CDH12: variants seen among roughly 807,000 people sequenced by gnomAD.
CDH12 encodes cadherin 12, also known as cadherin-12.
CDH12 carries 41 observed loss-of-function variants against 74.1 expected under a neutral mutation model. The observed-to-expected ratio is 0.55, with a 90% CI of 0.43 to 0.72. The LOEUF (loss-of-function observed/expected upper bound fraction) is 0.72, where lower values mean the gene tolerates loss of function less well. Among genes scored for constraint, CDH12 ranks in the 30% least tolerant of loss-of-function variants. The pLI is 0.00. For synonymous variants in CDH12, 399 were observed against 355.0 expected, an observed-to-expected ratio of 1.12 and a Z score of -1.39; for missense variants, 945 against 977.2, an observed-to-expected ratio of 0.97 and a Z score of 0.44.
At chr5:22,168,216 G>A (rs1439493287) in intron 4 of CDH12, among the ~76,000 whole-genome samples, 1 of 151,970 alleles carries the variant, frequency 6.6e-6, no homozygotes, top group Non-Finnish European at 1.5e-5. Flanking sequence ...AAGATAATAT[G>A]TATATTTATA....
chr5:22,590,071 T>G (rs2126797755), intron 1 of CDH12, among the ~76,000 whole-genome samples: 1 of 152,278 alleles, frequency 6.6e-6, no homozygotes, highest in Middle Eastern at 3.4e-3. Context: ...CTCGACAATT[T>G]TCTGTAAATC....
intron 4 of CDH12, among the ~76,000 whole-genome samples, chr5:22,170,226 A>G (rs1333875937): frequency 6.6e-6 from 1 of 151,878 alleles, no homozygotes; most frequent in Non-Finnish European, 1.5e-5. Flanking sequence ...TTTATTGAAG[A>G]TATCAATATT....
At chr5:22,199,839 C>CA (rs1317669203) in intron 4 of CDH12, among the ~76,000 whole-genome samples, 1 of 152,180 alleles carries the variant, frequency 6.6e-6, no homozygotes, top group African/African-American at 2.4e-5. Context: ...GGGGCACTGA[C>CA]AAAAAACATT....
At chr5:21,766,237 C>T (rs572750124) in intron 11 of CDH12, among the ~76,000 whole-genome samples, 112 of 151,960 alleles carry the variant, frequency 7.4e-4, no homozygotes, top group Non-Finnish European at 1.3e-3. Context: ...GACACAATAG[C>T]TTTAACAGCA....
intron 3 of CDH12, among the ~76,000 whole-genome samples, chr5:22,280,518 C>G (rs1030526695): frequency 1.3e-5 from 2 of 151,940 alleles, no homozygotes; most frequent in African/African-American, 4.8e-5. Context: ...CAAACAGACG[C>G]AATAAAAAAT....
intron 1 of CDH12, among the ~76,000 whole-genome samples, chr5:22,761,941 A>ACT (rs1236549403): frequency 6.6e-6 from 1 of 151,958 alleles, no homozygotes; most frequent in Admixed American, 6.6e-5. Context: ...ACACACACAC[A>ACT]CACACACACA....
chr5:22,627,262 A>C (rs951756208), intron 1 of CDH12, among the ~76,000 whole-genome samples: 3 of 152,138 alleles, frequency 2.0e-5, no homozygotes, highest in African/African-American at 7.2e-5. Flanking sequence ...ACTATACAGG[A>C]TGATTATCCC....
chr5:22,342,976 T>C (rs2150456980), intron 3 of CDH12, among the ~76,000 whole-genome samples: 1 of 152,102 alleles, frequency 6.6e-6, no homozygotes, highest in East Asian at 2.0e-4. Context: ...TGCCTCAGCC[T>C]CCTGAGTAGC....
intron 6 of CDH12, among the ~76,000 whole-genome samples, chr5:21,956,124 G>A (rs1756083597): frequency 1.3e-5 from 2 of 151,722 alleles, no homozygotes; most frequent in South Asian, 2.1e-4. Flanking sequence ...GATGAAATAA[G>A]CAAAACATTT....
At chr5:22,158,377 G>A (rs1748146493) in intron 4 of CDH12, among the ~76,000 whole-genome samples, 1 of 151,948 alleles carries the variant, frequency 6.6e-6, no homozygotes, top group African/African-American at 2.4e-5. Flanking sequence ...AATATTTACT[G>A]AGCACTTATC....
chr5:21,785,210 TAATC>T (rs1379651577), intron 10 of CDH12, among the ~76,000 whole-genome samples: 2 of 152,328 alleles, frequency 1.3e-5, no homozygotes, highest in Non-Finnish European at 2.9e-5. Context: ...ATTGTAAACT[TAATC>T]AATCAACGTT....
At chr5:22,038,800 G>A (rs563123488) in intron 5 of CDH12, among the ~76,000 whole-genome samples, 1 of 152,226 alleles carries the variant, frequency 6.6e-6, no homozygotes, top group South Asian at 2.1e-4. Context: ...CGACTGAGCT[G>A]AGGAGTTGCA....
chr5:22,036,123 T>C (rs1161283729), intron 5 of CDH12, among the ~76,000 whole-genome samples: 2 of 152,204 alleles, frequency 1.3e-5, no homozygotes, highest in Non-Finnish European at 2.9e-5. Context: ...GAACTAATAA[T>C]GAAAATGCTT....
intron 1 of CDH12, among the ~76,000 whole-genome samples, chr5:22,509,314 T>C (rs1169899426): frequency 6.6e-6 from 1 of 152,208 alleles, no homozygotes; most frequent in South Asian, 2.1e-4. Flanking sequence ...TGTCAGACTA[T>C]GGCTACATAA....
At chr5:22,625,720 C>T (rs1189410116) in intron 1 of CDH12, among the ~76,000 whole-genome samples, 1 of 152,152 alleles carries the variant, frequency 6.6e-6, no homozygotes, top group Admixed American at 6.5e-5. Flanking sequence ...CGCATGCTTG[C>T]AGGGCATATT....
intron 5 of CDH12, among the ~76,000 whole-genome samples, chr5:22,058,011 ATCT>A (rs2150201615): frequency 7.0e-6 from 1 of 143,762 alleles, no homozygotes; most frequent in Non-Finnish European, 1.5e-5. Context: ...CTATCTATCT[ATCT>A]ATCTATCTAT....
intron 1 of CDH12, among the ~76,000 whole-genome samples, chr5:22,620,841 T>A (rs567346604): frequency 6.6e-6 from 1 of 152,282 alleles, no homozygotes; most frequent in South Asian, 2.1e-4. Flanking sequence ...TAATGGATAT[T>A]CCAAAATATT....
Position 22,403,166 on chromosome 5 carries a change from G to T in CDH12, c.-333+2091C>A, listed in dbSNP as rs1742804017. Among the ~76,000 whole-genome samples the T allele has an allele frequency of 2.6e-5, 4 of 152,178 alleles. No individual in the cohort carries two copies. In the South Asian group the frequency reaches 8.3e-4, roughly 31 times the overall value. On this transcript the variant is annotated intron_variant, in intron 3 of 14. Coordinates refer to ENST00000382254, the MANE Select transcript of CDH12 (RefSeq NM_004061.5). Reference sequence around the variant, plus strand: ...CAACCCTACTGGTAAGTAGATTTCAGATTTACAGTCTCTGAAACTGTGAGA... The same window carrying T: ...CAACCCTACTGGTAAGTAGATTTCATATTTACAGTCTCTGAAACTGTGAGA...
rs1454472272 is a variant in CDH12, at chr5:22,362,705, G to A, written c.-333+42552C>T. On this transcript the variant is annotated intron_variant, in intron 3 of 14. Transcript: ENST00000382254. ...CCAAATGTCCATCAATGATAGACTG[G>A]ATTAAGAAAATGTGGCACATATATA... Among the ~76,000 whole-genome samples the A allele has an allele frequency of 2.6e-5, 4 of 152,032 alleles. No homozygotes were observed. In the East Asian group the frequency reaches 7.8e-4, roughly 30 times the overall value.
Sources: gnomAD v4.1 joint callset for allele counts (sites outside exome capture counted in the v4.1 genomes callset) on GRCh38, gnomAD v4.1.1 for gene constraint, MANE v1.5 for transcripts, NCBI Gene and HGNC (gene_info 2026-07-23, HGNC 2026-07-21) for gene names.